Variants in FAM114A1 observed in about 807,000 individuals in gnomAD.
The protein encoded by FAM114A1 is family with sequence similarity 114 member A1.
Under a neutral mutation model 64.3 loss-of-function variants are expected in FAM114A1, and 62 were observed. The observed-to-expected ratio is 0.96, with a 90% CI of 0.79 to 1.19. The LOEUF is 1.19. FAM114A1 is among the 50% of genes most tolerant of loss of function. The pLI, the probability that FAM114A1 is intolerant of heterozygous loss-of-function variation, is 0.00. For missense variants in FAM114A1, 645 were observed against 676.3 expected (o/e 0.95, Z 0.51); for synonymous variants, 254 against 251.1 (o/e 1.01, Z -0.11).
At chr4:38,931,726 G>A (rs58951803) in intron 11 of FAM114A1, 114 bp downstream of exon 11, 1 of 1,177,732 alleles carries the variant, frequency 8.5e-7, no homozygotes, top group Non-Finnish European at 1.2e-6. Context: ...CCGTGTTATA[G>A]AAATATAAGT....
At chr4:38,895,770 C>T (rs546103170) in intron 4 of FAM114A1, among the ~76,000 whole-genome samples, 52 of 152,300 alleles carry the variant, frequency 3.4e-4, no homozygotes, top group Non-Finnish European at 1.2e-4. Context: ...AAGCCTATTG[C>T]GCCGAGGCTG....
Position 38,903,731 on chromosome 4 carries a change from A to C in FAM114A1, c.437-1791A>C, listed in dbSNP as rs139054205. Among the ~76,000 whole-genome samples the C allele has an allele frequency of 8.8e-4, 134 of 152,232 alleles. 2 individuals carry two copies. Among genetic ancestry groups the C allele is most frequent in the African/African-American group, 3.2e-3 (133 of 41,538 alleles). On this transcript the variant is annotated intron_variant, in intron 4 of 14. Coordinates refer to ENST00000358869, the MANE Select transcript of FAM114A1 (RefSeq NM_138389.4). ...ATTCAAGCCTTAACAGTCGCAATACACCTTTATTTTTTCAAGTAACTCAGT... is the reference window on the plus strand; with the variant it reads ...ATTCAAGCCTTAACAGTCGCAATACCCCTTTATTTTTTCAAGTAACTCAGT...
At chr4:38,898,303 G>C (rs1717146217) in intron 4 of FAM114A1, among the ~76,000 whole-genome samples, 1 of 152,142 alleles carries the variant, frequency 6.6e-6, no homozygotes, top group African/African-American at 2.4e-5. Flanking sequence ...AATTATCATT[G>C]TTCCCCTTAC....
At position 38,929,105 on chromosome 4, in the gene FAM114A1, T is replaced by G. The variant is rs1232251156; in HGVS notation, c.1070-137T>G. The G allele has an allele frequency of 1.3e-5, 9 of 668,918 alleles. 1 individual carries two copies. In the East Asian group the frequency reaches 2.5e-4, roughly 19 times the overall value. The allele number at this position is 668,918 out of a possible 1,614,324, so 41.4% of individuals were successfully genotyped here. ...GCTCACGAATGGAAGACATTCATCT[T>G]TGCCCAGCGGCTGGCGGGCAGGCTG... is the stretch of plus-strand genomic sequence containing the variant. On this transcript the variant is annotated intron_variant, in intron 9 of 14. Coordinates refer to ENST00000358869, the MANE Select transcript of FAM114A1 (RefSeq NM_138389.4).
chr4:38,912,041 A>G (rs572230916), intron 7 of FAM114A1, among the ~76,000 whole-genome samples: 2 of 151,242 alleles, frequency 1.3e-5, no homozygotes, highest in South Asian at 4.2e-4. Flanking sequence ...TTGTATTTTT[A>G]GTAGAGACGG....
intron 12 of FAM114A1, 71 bp from the exon 13 acceptor site, chr4:38,935,647 A>AAATGGTCGTG (rs1309974341): frequency 9.2e-7 from 1 of 1,083,356 alleles, no homozygotes; most frequent in Non-Finnish European, 1.4e-6. Context: ...TTAGTATCAG[A>AAATGGTCGTG]AATGGTCGTG....
At chr4:38,883,976 C>T (rs955088473) in intron 3 of FAM114A1, among the ~76,000 whole-genome samples, 3 of 152,128 alleles carry the variant, frequency 2.0e-5, no homozygotes, top group African/African-American at 7.2e-5. Flanking sequence ...TGGGCTCTAC[C>T]CTAAGAGATT....
Position 38,932,279 on chromosome 4 carries a change from GCGCT to G in FAM114A1, c.1369_1372del (p.Arg457ValfsTer8), listed in dbSNP as rs1720712888. ...TTGAAAGTCTGGCGGAGGTAACAGC[GCGCT>G]GTATTGAGCAGCTTCATAAAGTAGC... is the stretch of plus-strand genomic sequence containing the variant. On this transcript the variant is annotated frameshift_variant, in exon 12 of 15. Transcript: ENST00000358869. LOFTEE classifies it high-confidence loss of function. 1 of 1,613,362 alleles carries G rather than the reference GCGCT, an allele frequency of 6.2e-7. No individual in the cohort carries two copies. The highest frequency in any genetic ancestry group is 8.5e-7 in the Non-Finnish European group (1 of 1,179,928).
chr4:38,929,196 A>C (rs896621445), intron 9 of FAM114A1, 46 bp from the exon 10 acceptor site: 2 of 1,476,426 alleles, frequency 1.4e-6, no homozygotes, highest in African/African-American at 1.4e-5. Context: ...CACATCCTGA[A>C]GGATGAAAAA....
chr4:38,903,838 T>G (rs1259324857), intron 4 of FAM114A1, among the ~76,000 whole-genome samples: 1 of 152,198 alleles, frequency 6.6e-6, no homozygotes, highest in East Asian at 1.9e-4. Context: ...TAAATAATGT[T>G]TACATTTCAG....
chr4:38,911,281 A>G (rs1026881921), intron 7 of FAM114A1, among the ~76,000 whole-genome samples: 1 of 152,232 alleles, frequency 6.6e-6, no homozygotes, highest in African/African-American at 2.4e-5. Context: ...GGCTGGGCGA[A>G]GCCATGGGAA....
chr4:38,874,934 C>T (rs967875903), intron 2 of FAM114A1, among the ~76,000 whole-genome samples: 3 of 152,142 alleles, frequency 2.0e-5, no homozygotes, highest in African/African-American at 7.2e-5. Flanking sequence ...ATAGGGAGTC[C>T]GTTCCCCATT....
intron 14 of FAM114A1, among the ~76,000 whole-genome samples, chr4:38,941,797 C>G (rs1247529586): frequency 6.6e-6 from 1 of 152,190 alleles, no homozygotes; most frequent in Non-Finnish European, 1.5e-5. Flanking sequence ...ATGGGCAATG[C>G]ATATATCATA....
At chr4:38,882,128 A>C (rs570465396) in intron 3 of FAM114A1, among the ~76,000 whole-genome samples, 7 of 149,590 alleles carry the variant, frequency 4.7e-5, no homozygotes, top group African/African-American at 1.5e-4. Context: ...CTGGCTAACA[A>C]GGTGAAACCC....
At chr4:38,898,540 A>C (rs1341294543) in intron 4 of FAM114A1, among the ~76,000 whole-genome samples, 1 of 152,226 alleles carries the variant, frequency 6.6e-6, no homozygotes, top group Non-Finnish European at 1.5e-5. Context: ...CATTGAGACA[A>C]AGAGAATAGG....
rs1721736124 is a variant in FAM114A1, at chr4:38,943,495, C to T, written c.1630C>T (p.Leu544=). ...AACGTACATACAGGATGCCTTCCAG[C>T]TGCTGCTGCCTGTTCTGCAGGTCTC... ...STTYIQDAFQ[L]LLPVLQVSHI... The change falls in exon 15 of 15, where the codon CTG becomes TTG. Residue 544 remains leucine (L), a synonymous_variant. Transcript: ENST00000358869. 1.2e-6 allele frequency: 2 copies of T among 1,613,982 alleles called. No individual in the cohort carries two copies. The highest frequency in any genetic ancestry group is 1.7e-6 in the Non-Finnish European group (2 of 1,180,000).
At chr4:38,933,064 G>A (rs961817966) in intron 12 of FAM114A1, among the ~76,000 whole-genome samples, 7 of 152,044 alleles carry the variant, frequency 4.6e-5, no homozygotes, top group Admixed American at 4.6e-4. Flanking sequence ...ATGTTGGCCA[G>A]GATGGTCTCC....
At chr4:38,872,173 G>A (rs900101457) in intron 2 of FAM114A1, among the ~76,000 whole-genome samples, 2 of 152,160 alleles carry the variant, frequency 1.3e-5, no homozygotes, top group African/African-American at 4.8e-5. Flanking sequence ...AAAAAGAGGT[G>A]GTCACCTCAT....
At chr4:38,910,025 G>C (rs906920740) in intron 7 of FAM114A1, among the ~76,000 whole-genome samples, 1 of 152,094 alleles carries the variant, frequency 6.6e-6, no homozygotes, top group African/African-American at 2.4e-5. Context: ...CTGAGGTCAG[G>C]AGTTCGAGAC....
Sources: allele counts gnomAD v4.1 joint callset (sites outside exome capture counted in the v4.1 genomes callset), GRCh38; gene constraint gnomAD v4.1.1; transcripts MANE v1.5; gene names NCBI Gene and HGNC (gene_info 2026-07-23, HGNC 2026-07-21).